Variants in CUL3 observed in about 807,000 individuals in gnomAD.
CUL3 encodes the protein cullin 3.
CUL3 carries 19 observed loss-of-function variants against 89.1 expected under a neutral mutation model. That is an observed-to-expected ratio of 0.21 (90% CI 0.15 to 0.31). CUL3 has a LOEUF of 0.31. Ranked by LOEUF, CUL3 falls within the 10% of genes least tolerant of loss-of-function variation. The pLI is 1.00. For synonymous variants in CUL3, 351 were observed against 308.4 expected, an observed-to-expected ratio of 1.14 and a Z score of -1.45; for missense variants, 469 against 942.3, an observed-to-expected ratio of 0.50 and a Z score of 6.58.
rs1284060906 is a variant in CUL3, at chr2:224,585,185, C to G, written c.-176G>C. ...GCCGCGGCGGCGGCGGGGGCGGCGG[C>G]GGCGGCGGCGGCGGCTCGGACTCTG... is the stretch of plus-strand genomic sequence containing the variant. On this transcript the variant is annotated 5_prime_UTR_variant, in exon 1 of 16. Coordinates refer to ENST00000264414, the MANE Select transcript of CUL3 (RefSeq NM_003590.5). 7 of 266,306 alleles carry G rather than the reference C, an allele frequency of 2.6e-5. No homozygotes were observed. The highest frequency in any genetic ancestry group is 7.2e-5 in the East Asian group (1 of 13,916). 16.5% of individuals were successfully genotyped at this position (266,306 alleles called of 1,614,324 possible). A position where few individuals can be genotyped will look rare whatever the true frequency, so the allele number is the denominator to read the frequency against.
At chr2:224,581,507 T>C (rs1337802333) in intron 1 of CUL3, among the ~76,000 whole-genome samples, 1 of 151,048 alleles carries the variant, frequency 6.6e-6, no homozygotes, top group Non-Finnish European at 1.5e-5. Flanking sequence ...ATTTTTCTTT[T>C]CTTTTTTTTT....
chr2:224,552,268 G>GT (rs1694542308), intron 2 of CUL3, among the ~76,000 whole-genome samples: 1 of 152,098 alleles, frequency 6.6e-6, no homozygotes, highest in African/African-American at 2.4e-5. Flanking sequence ...AAATTCCTGT[G>GT]TAAGTTGAAA....
At chr2:224,557,453 C>T (rs1418404926) in intron 2 of CUL3, among the ~76,000 whole-genome samples, 4 of 152,088 alleles carry the variant, frequency 2.6e-5, no homozygotes, top group African/African-American at 9.7e-5. Flanking sequence ...TTTATTATAG[C>T]TCACAAACTT....
Position 224,556,242 on chromosome 2 carries a change from G to A in CUL3, c.264+1417C>T, listed in dbSNP as rs1574691600. The A allele has an allele frequency of 3.3e-5, 5 of 152,208 alleles. No individual in the cohort carries two copies. The South Asian group carries it at 1.0e-3, about 32-fold the overall frequency. 9.4% of individuals were successfully genotyped at this position (152,208 alleles called of 1,614,324 possible). ...CTAGGGAACAGGATATTCATACAGT[G>A]TCAAAATATATCTGAACAGATTACT... On this transcript the variant is annotated intron_variant, in intron 2 of 15. Coordinates refer to ENST00000264414, the MANE Select transcript of CUL3 (RefSeq NM_003590.5).
intron 1 of CUL3, among the ~76,000 whole-genome samples, chr2:224,564,214 T>C (rs750073106): frequency 6.6e-6 from 1 of 152,190 alleles, no homozygotes; most frequent in Non-Finnish European, 1.5e-5. Flanking sequence ...TGAACCCAGG[T>C]GGAGGCTGCA....
At chr2:224,574,650 G>A (rs541905019) in intron 1 of CUL3, among the ~76,000 whole-genome samples, 37 of 152,146 alleles carry the variant, frequency 2.4e-4, no homozygotes, top group Non-Finnish European at 4.6e-4. Flanking sequence ...CAGGCTCCCT[G>A]TAAACGTTTG....
At chr2:224,493,112 C>A (rs534986998) in intron 13 of CUL3, among the ~76,000 whole-genome samples, 2 of 152,122 alleles carry the variant, frequency 1.3e-5, no homozygotes, top group Non-Finnish European at 2.9e-5. Flanking sequence ...CCAGAACTAC[C>A]CAACTGAGTA....
Position 224,507,009 on chromosome 2 carries a change from A to C in CUL3, c.884-6T>G, listed in dbSNP as rs189198955. 6.2e-7 allele frequency: 1 copy of C among 1,607,170 alleles called. No homozygotes were observed. The highest frequency in any genetic ancestry group is 1.3e-5 in the African/African-American group (1 of 74,462). On this transcript the variant is annotated splice_region_variant and splice_polypyrimidine_tract_variant and intron_variant, in intron 6 of 15. Transcript: ENST00000264414. ...CTTGTACATGCAACCAAGGTCTACA[A>C]ATCAGAAAACACAAATTGGCTACAT...
intron 3 of CUL3, among the ~76,000 whole-genome samples, chr2:224,518,449 T>C (rs1195315211): frequency 2.0e-5 from 3 of 152,192 alleles, no homozygotes; most frequent in Non-Finnish European, 4.4e-5. Context: ...TACAATATTT[T>C]TGTGGACATA....
intron 15 of CUL3, among the ~76,000 whole-genome samples, chr2:224,476,422 G>C (rs1246533055): frequency 6.6e-6 from 1 of 152,072 alleles, no homozygotes; most frequent in Admixed American, 6.5e-5. Flanking sequence ...GTATTCAAAA[G>C]TTCAGCAAGT....
chr2:224,560,934 C>T (rs1244432107), intron 1 of CUL3, among the ~76,000 whole-genome samples: 1 of 152,186 alleles, frequency 6.6e-6, no homozygotes, highest in Admixed American at 6.5e-5. Context: ...TGGCATACAT[C>T]AAACAAGCTG....
chr2:224,497,963 C>CT, intron 11 of CUL3, 114 bp from the exon 12 acceptor site: 1 of 750,834 alleles, frequency 1.3e-6, no homozygotes, highest in Non-Finnish European at 2.2e-6. Context: ...TGTGTATGGA[C>CT]TTTAAAACTT....
At chr2:224,508,451 C>G (rs1464088198) in intron 6 of CUL3, among the ~76,000 whole-genome samples, 3 of 152,100 alleles carry the variant, frequency 2.0e-5, no homozygotes, top group African/African-American at 7.2e-5. Flanking sequence ...TGTGGCACAC[C>G]AAATACTTCT....
chr2:224,539,766 A>C (rs1175897624), intron 2 of CUL3, among the ~76,000 whole-genome samples: 1 of 151,856 alleles, frequency 6.6e-6, no homozygotes, highest in Non-Finnish European at 1.5e-5. Context: ...CTAAAGAGAG[A>C]GCAAAAAAAA....
At chr2:224,546,816 C>T (rs1178588311) in intron 2 of CUL3, among the ~76,000 whole-genome samples, 3 of 152,134 alleles carry the variant, frequency 2.0e-5, no homozygotes, top group Admixed American at 1.3e-4. Flanking sequence ...AATGTAGAAA[C>T]CATTCAATTT....
rs563634793 is a variant in CUL3, at chr2:224,536,802, T to C, written c.265-1161A>G. ...ACCACTACTCTTTCCTGCTATGCTA[T>C]CTGCCCAAAAGAAAGACCATTTCAC... On this transcript the variant is annotated intron_variant, in intron 2 of 15. Transcript: ENST00000264414. Among the ~76,000 whole-genome samples the C allele has an allele frequency of 8.5e-5, 13 of 152,368 alleles. 1 individual carries two copies. In the South Asian group the frequency reaches 2.7e-3, roughly 32 times the overall value.
At chr2:224,514,068 G>A (rs1055165707) in intron 4 of CUL3, among the ~76,000 whole-genome samples, 2 of 152,024 alleles carry the variant, frequency 1.3e-5, no homozygotes, top group Admixed American at 6.6e-5. Context: ...AACTTTACAC[G>A]TTTTCATCCA....
At chr2:224,487,932 G>C (rs1164813478) in intron 13 of CUL3, among the ~76,000 whole-genome samples, 1 of 152,146 alleles carries the variant, frequency 6.6e-6, no homozygotes, top group African/African-American at 2.4e-5. Context: ...TAGAACTCAG[G>C]ATTAAGAAAC....
chr2:224,559,390 T>C (rs991522555), intron 1 of CUL3, among the ~76,000 whole-genome samples: 5 of 150,792 alleles, frequency 3.3e-5, no homozygotes, highest in South Asian at 2.1e-4. Flanking sequence ...GAGGCAGAGT[T>C]TGCAGGGATC....
Sources: gnomAD v4.1 joint callset for allele counts (sites outside exome capture counted in the v4.1 genomes callset) on GRCh38, gnomAD v4.1.1 for gene constraint, MANE v1.5 for transcripts, NCBI Gene and HGNC (gene_info 2026-07-23, HGNC 2026-07-21) for gene names.